The following GABRG3 variants were observed in gnomAD, a reference collection of about 807,000 sequenced individuals.
The protein encoded by GABRG3 is gamma-aminobutyric acid receptor subunit gamma-3.
A neutral mutation model predicts 48.8 loss-of-function variants in GABRG3; 25 were observed. That is an observed-to-expected ratio of 0.51 (90% CI 0.37 to 0.72). The LOEUF is 0.72. Ranked by LOEUF, GABRG3 falls within the 30% of genes least tolerant of loss-of-function variation. The pLI, the probability that GABRG3 is intolerant of heterozygous loss-of-function variation, is 0.00. For synonymous variants in GABRG3, 227 were observed against 217.6 expected (o/e 1.04, Z -0.38); for missense variants, 394 against 577.9 (o/e 0.68, Z 3.26).
intron 5 of GABRG3, among the ~76,000 whole-genome samples, chr15:27,439,752 T>C (rs2140631457): frequency 6.6e-6 from 1 of 152,338 alleles, no homozygotes; most frequent in East Asian, 1.9e-4. Context: ...TTCTATTTTT[T>C]TCTCTCTGAG....
rs1478685011 is a variant in GABRG3 at position 27,096,591 on chromosome 15, A to G, written c.270+69770A>G. On this transcript the variant is annotated intron_variant, in intron 3 of 9. Coordinates refer to ENST00000615808, the MANE Select transcript of GABRG3 (RefSeq NM_033223.5). Reference sequence around the variant, plus strand: ...GTCAGTAGCTCTGTGTATACATTTCATTTTTGTATCTTCTGGGAGGGACCA... The same window carrying G: ...GTCAGTAGCTCTGTGTATACATTTCGTTTTTGTATCTTCTGGGAGGGACCA... Among the ~76,000 whole-genome samples the G allele has an allele frequency of 2.6e-5, 4 of 152,154 alleles. No homozygotes were observed. The East Asian group carries it at 5.8e-4, about 22-fold the overall frequency.
chr15:27,472,049 T>C (rs770863651), intron 5 of GABRG3, among the ~76,000 whole-genome samples: 5 of 152,196 alleles, frequency 3.3e-5, no homozygotes, highest in Non-Finnish European at 7.3e-5. Context: ...ATCAGCATCT[T>C]TCTGTTGTAT....
At position 27,541,491 on chromosome 15, in the gene GABRG3, C is replaced by T. The variant is rs2150869903; in HGVS notation, c.*8610C>T. The T allele has an allele frequency of 6.6e-6, 1 of 152,366 alleles. No homozygotes were observed. Among genetic ancestry groups the T allele is most frequent in the Non-Finnish European group, 1.5e-5 (1 of 68,060 alleles). 9.4% of individuals were successfully genotyped at this position (152,366 alleles called of 1,614,324 possible). On this transcript the variant is annotated 3_prime_UTR_variant, in exon 10 of 10. Transcript: ENST00000615808. ...TCTGTTCCCATGGAATCCTTCCTGC[C>T]TGTGAAGCCATTGTCCTCCAGATGG...
intron 5 of GABRG3, among the ~76,000 whole-genome samples, chr15:27,413,974 A>G (rs552834033): frequency 8.5e-5 from 13 of 152,342 alleles, no homozygotes; most frequent in East Asian, 7.7e-4. Context: ...TTAAATTTGT[A>G]TGGATAAAAT....
chr15:27,246,028 C>T (rs769601800), intron 3 of GABRG3, among the ~76,000 whole-genome samples: 2 of 152,196 alleles, frequency 1.3e-5, no homozygotes, highest in African/African-American at 2.4e-5. Context: ...GCAAGAGAGA[C>T]GCCATGCTCT....
intron 2 of GABRG3, among the ~76,000 whole-genome samples, chr15:27,004,256 T>G (rs34245116): frequency 0.49 from 72,762 of 149,276 alleles, 18,312 homozygotes; most frequent in Middle Eastern, 0.62. Flanking sequence ...GCAGAAGGTC[T>G]CCTCACTTCT....
At chr15:27,459,500 C>T (rs1889385926) in intron 5 of GABRG3, among the ~76,000 whole-genome samples, 1 of 152,144 alleles carries the variant, frequency 6.6e-6, no homozygotes, top group South Asian at 2.1e-4. Context: ...TGCTAAGAGG[C>T]AGATCTCATG....
At position 27,293,097 on chromosome 15, in the gene GABRG3, G is replaced by A. The variant is rs112936631; in HGVS notation, c.271-33712G>A. Among the ~76,000 whole-genome samples, 10 of 152,304 alleles carry A rather than the reference G, an allele frequency of 6.6e-5. 1 individual carries two copies. Among genetic ancestry groups the A allele is most frequent in the Admixed American group, 3.9e-4 (6 of 15,298 alleles). ...TGCATGCCTGACACCTTTAAAGGCT[G>A]AGGGATTACTGACTGCTACTACTAA... On this transcript the variant is annotated intron_variant, in intron 3 of 9. Coordinates refer to ENST00000615808, the MANE Select transcript of GABRG3 (RefSeq NM_033223.5).
Position 27,396,719 on chromosome 15 carries a change from T to G in GABRG3, c.574+67831T>G, listed in dbSNP as rs568171753. 1.2e-4 allele frequency among the ~76,000 whole-genome samples: 18 copies of G among 152,292 alleles called. No individual in the cohort carries two copies. The South Asian group carries it at 2.1e-3, about 18-fold the overall frequency. On this transcript the variant is annotated intron_variant, in intron 5 of 9. Transcript: ENST00000615808. ...CTGCTTTATTCATAATTGCCAAAAT[T>G]TGAAAGCCCTCCAGACTTCCTTCAA...
chr15:27,297,891 G>A (rs1009497947), intron 3 of GABRG3, among the ~76,000 whole-genome samples: 1 of 151,924 alleles, frequency 6.6e-6, no homozygotes, highest in Non-Finnish European at 1.5e-5. Context: ...TATTCCACTT[G>A]AATAAATTGG....
At chr15:27,224,152 G>A (rs924271675) in intron 3 of GABRG3, among the ~76,000 whole-genome samples, 4 of 152,208 alleles carry the variant, frequency 2.6e-5, no homozygotes, top group Non-Finnish European at 5.9e-5. Flanking sequence ...CTGCATGGCG[G>A]TGAGGGCCTT....
intron 3 of GABRG3, among the ~76,000 whole-genome samples, chr15:27,258,126 G>C (rs74004758): frequency 6.6e-6 from 1 of 152,028 alleles, no homozygotes; most frequent in Non-Finnish European, 1.5e-5. Context: ...ATGGCCTCAC[G>C]AGGGCATTGT....
intron 6 of GABRG3, among the ~76,000 whole-genome samples, chr15:27,515,334 T>A (rs1334697633): frequency 6.6e-6 from 1 of 152,140 alleles, no homozygotes; most frequent in East Asian, 1.9e-4. Context: ...CCTCGGGTTA[T>A]CCACCTAACC....
intron 3 of GABRG3, among the ~76,000 whole-genome samples, chr15:27,219,063 C>T (rs1015974330): frequency 6.6e-6 from 1 of 152,198 alleles, no homozygotes; most frequent in African/African-American, 2.4e-5. Context: ...TCTGACCTGG[C>T]CTTCTCCTCT....
intron 5 of GABRG3, among the ~76,000 whole-genome samples, chr15:27,475,498 A>C (rs188736354): frequency 6.6e-6 from 1 of 152,100 alleles, no homozygotes; most frequent in Non-Finnish European, 1.5e-5. Context: ...GGTGATGGTG[A>C]CGATGATATT....
rs1167549784 is a variant in GABRG3 at position 27,326,061 on chromosome 15, T to G, written c.271-748T>G. ...TCTGCAGGCACTTCTTTGGGTCTCC[T>G]AGAGTGCCCCTAGGATAGAATCAGT... On this transcript the variant is annotated intron_variant, in intron 3 of 9. Coordinates refer to ENST00000615808, the MANE Select transcript of GABRG3 (RefSeq NM_033223.5). 2.6e-5 allele frequency among the ~76,000 whole-genome samples: 4 copies of G among 152,092 alleles called. No homozygotes were observed. The East Asian group carries it at 5.8e-4, about 22-fold the overall frequency.
At position 27,102,311 on chromosome 15, in the gene GABRG3, C is replaced by T. The variant is rs183955413; in HGVS notation, c.270+75490C>T. ...GGTTTTTGTTATGACTTGCTTCTTT[C>T]TTTGAGGATTTGGAAATGACTAATC... On this transcript the variant is annotated intron_variant, in intron 3 of 9. Coordinates refer to ENST00000615808, the MANE Select transcript of GABRG3 (RefSeq NM_033223.5). 3.4e-4 allele frequency among the ~76,000 whole-genome samples: 52 copies of T among 152,240 alleles called. 2 individuals are homozygous for T. The East Asian group carries it at 9.7e-3, about 28-fold the overall frequency.
chr15:27,519,478 G>C (rs938679177), intron 6 of GABRG3, among the ~76,000 whole-genome samples: 1 of 152,136 alleles, frequency 6.6e-6, no homozygotes, highest in African/African-American at 2.4e-5. Flanking sequence ...TTAAAACAAA[G>C]TGCGAAGTTG....
At chr15:27,260,226 T>C (rs1314556783) in intron 3 of GABRG3, among the ~76,000 whole-genome samples, 1 of 152,200 alleles carries the variant, frequency 6.6e-6, no homozygotes, top group African/African-American at 2.4e-5. Flanking sequence ...GCCTCTCTCC[T>C]TGGCTTGCAG....
Sources: gnomAD v4.1 joint callset for allele counts (sites outside exome capture counted in the v4.1 genomes callset) on GRCh38, gnomAD v4.1.1 for gene constraint, MANE v1.5 for transcripts, NCBI Gene and HGNC (gene_info 2026-07-23, HGNC 2026-07-21) for gene names.